Variants in TOGARAM1 observed in about 807,000 individuals in gnomAD.
TOGARAM1 encodes the protein TOG array regulator of axonemal microtubules protein 1.
Under a neutral mutation model 166.6 loss-of-function variants are expected in TOGARAM1, and 100 were observed. The ratio of observed to expected loss-of-function variants is 0.60; its 90% CI spans 0.51 to 0.71. The LOEUF (loss-of-function observed/expected upper bound fraction) is 0.71. Among genes scored for constraint, TOGARAM1 ranks in the 30% least tolerant of loss-of-function variants. TOGARAM1 has a pLI of 0.00. For synonymous variants in TOGARAM1, 758 were observed against 763.8 expected, an observed-to-expected ratio of 0.99 and a Z score of 0.13; for missense variants, 2,029 against 2,102.7, an observed-to-expected ratio of 0.96 and a Z score of 0.69.
intron 1 of TOGARAM1, among the ~76,000 whole-genome samples, chr14:44,994,372 G>A (rs939785746): frequency 1.3e-5 from 2 of 151,952 alleles, no homozygotes; most frequent in African/African-American, 4.8e-5. Flanking sequence ...ACCCACCTTG[G>A]CCTCTCAAAG....
intron 1 of TOGARAM1, among the ~76,000 whole-genome samples, chr14:44,969,116 T>G (rs1459746939): frequency 7.4e-6 from 1 of 135,920 alleles, no homozygotes; most frequent in African/African-American, 3.1e-5. Context: ...TTTCTTTCCT[T>G]CCTTCCTTCC....
Position 45,059,523 on chromosome 14 carries a change from C to T in TOGARAM1, c.4559+4974C>T, listed in dbSNP as rs191343429. On this transcript the variant is annotated intron_variant, in intron 16 of 19. Transcript: ENST00000361462. ...TATTAGCTGGACGTGATGGCGCACG[C>T]CTGTAATCCCAGCTACTCAGGAGGC... is the stretch of plus-strand genomic sequence containing the variant. Among the ~76,000 whole-genome samples the T allele has an allele frequency of 3.3e-5, 5 of 152,238 alleles. 1 individual carries two copies. Among genetic ancestry groups the T allele is most frequent in the African/African-American group, 1.2e-4 (5 of 41,556 alleles).
chr14:45,052,836 A>C (rs1352214264), intron 15 of TOGARAM1, among the ~76,000 whole-genome samples: 2 of 152,188 alleles, frequency 1.3e-5, no homozygotes, highest in African/African-American at 4.8e-5. Context: ...TTTGAATTGC[A>C]GCTCTAACAG....
At chr14:45,052,744 C>A (rs745835055) in intron 15 of TOGARAM1, among the ~76,000 whole-genome samples, 182 bp downstream of exon 15, 1 of 152,094 alleles carries the variant, frequency 6.6e-6, no homozygotes, top group Non-Finnish European at 1.5e-5. Context: ...TATTGTCAAG[C>A]CTTGGAAGTA....
chr14:44,997,607 G>C (rs1887484603), intron 2 of TOGARAM1, among the ~76,000 whole-genome samples: 1 of 151,970 alleles, frequency 6.6e-6, no homozygotes, highest in African/African-American at 2.4e-5. Context: ...AGAGGAAATG[G>C]TCATTGTCAT....
At chr14:44,978,460 A>G (rs1288502890) in intron 1 of TOGARAM1, among the ~76,000 whole-genome samples, 1 of 152,244 alleles carries the variant, frequency 6.6e-6, no homozygotes, top group African/African-American at 2.4e-5. Flanking sequence ...AAGATAATAT[A>G]GCAAATTAGA....
intron 1 of TOGARAM1, among the ~76,000 whole-genome samples, chr14:44,982,274 G>A (rs1886579228): frequency 6.6e-6 from 1 of 151,928 alleles, no homozygotes; most frequent in African/African-American, 2.4e-5. Flanking sequence ...TTCTGTTTTT[G>A]TTTCTGCTAT....
At chr14:44,979,032 A>T (rs74244127) in intron 1 of TOGARAM1, among the ~76,000 whole-genome samples, 16,972 of 147,304 alleles carry the variant, frequency 0.12, 1,078 homozygotes, top group Middle Eastern at 0.29. Context: ...AATAACAGAT[A>T]AAAAAAAAAG....
At chr14:44,975,068 C>T (rs956330561) in intron 1 of TOGARAM1, among the ~76,000 whole-genome samples, 1 of 152,032 alleles carries the variant, frequency 6.6e-6, no homozygotes, top group Non-Finnish European at 1.5e-5. Flanking sequence ...CTTCCTTTAC[C>T]CCTCTCTGTG....
intron 7 of TOGARAM1, among the ~76,000 whole-genome samples, chr14:45,019,040 T>C (rs1880330481): frequency 6.6e-6 from 1 of 152,248 alleles, no homozygotes; most frequent in South Asian, 2.1e-4. Context: ...AAATCTGTCT[T>C]GGCAACAAGA....
At chr14:45,071,579 T>TA in intron 18 of TOGARAM1, 133 bp from the exon 19 acceptor site, 1 of 527,626 alleles carries the variant, frequency 1.9e-6, no homozygotes, top group Non-Finnish European at 3.3e-6. Flanking sequence ...AAATAGTGAT[T>TA]ATGTAGATTT....
intron 11 of TOGARAM1, 33 bp downstream of exon 11, chr14:45,032,409 A>G: frequency 1.3e-6 from 2 of 1,558,834 alleles, no homozygotes; most frequent in East Asian, 2.3e-5. Context: ...AAAACTAAGC[A>G]GAGTTCAAAA....
At chr14:45,045,579 A>G (rs1373429605) in intron 13 of TOGARAM1, among the ~76,000 whole-genome samples, 1 of 34,978 alleles carries the variant, frequency 2.9e-5, no homozygotes. Flanking sequence ...ATATATATAT[A>G]TATATGTGTG....
intron 17 of TOGARAM1, 76 bp from the exon 18 acceptor site, chr14:45,068,348 G>A: frequency 1.9e-6 from 2 of 1,038,510 alleles, no homozygotes; most frequent in East Asian, 2.6e-5. Context: ...GAAATATTAT[G>A]ACATGCCAAG....
chr14:44,977,482 C>T (rs539979811), intron 1 of TOGARAM1, among the ~76,000 whole-genome samples: 4 of 152,032 alleles, frequency 2.6e-5, no homozygotes, highest in African/African-American at 4.8e-5. Context: ...ATGATCTGCC[C>T]GCCTTGGCCA....
chr14:45,059,480 T>G, intron 16 of TOGARAM1, among the ~76,000 whole-genome samples: 1 of 152,126 alleles, frequency 6.6e-6, no homozygotes, highest in East Asian at 1.9e-4. Flanking sequence ...AAACCCCGTT[T>G]CTACTAAAAA....
chr14:45,045,745 G>GTA (rs1385756989), intron 13 of TOGARAM1, among the ~76,000 whole-genome samples: 7 of 136,980 alleles, frequency 5.1e-5, no homozygotes, highest in Non-Finnish European at 9.3e-5. Flanking sequence ...ATACACATAT[G>GTA]TATATATATA....
chr14:45,042,913 T>G (rs1056965059), intron 11 of TOGARAM1, among the ~76,000 whole-genome samples: 1 of 152,168 alleles, frequency 6.6e-6, no homozygotes, highest in Non-Finnish European at 1.5e-5. Flanking sequence ...GTGTACCCGG[T>G]CACTCAGGAG....
intron 7 of TOGARAM1, among the ~76,000 whole-genome samples, chr14:45,020,977 C>T (rs1357777394): frequency 6.6e-6 from 1 of 152,060 alleles, no homozygotes; most frequent in Non-Finnish European, 1.5e-5. Flanking sequence ...CCTCATGGAG[C>T]CCAGTGAGGG....
Sources: gnomAD v4.1 joint callset for allele counts (sites outside exome capture counted in the v4.1 genomes callset) on GRCh38, gnomAD v4.1.1 for gene constraint, MANE v1.5 for transcripts, NCBI Gene and HGNC (gene_info 2026-07-23, HGNC 2026-07-21) for gene names.